RB1: variants seen among roughly 807,000 people sequenced by gnomAD.
RB1 encodes the protein retinoblastoma-associated protein.
In RB1, 18 loss-of-function variants were observed where a neutral mutation model predicts 135.4. The ratio of observed to expected loss-of-function variants is 0.13; its 90% confidence interval spans 0.09 to 0.20. The LOEUF (loss-of-function observed/expected upper bound fraction) is 0.20. Ranked by LOEUF, RB1 falls within the 10% of genes least tolerant of loss-of-function variation. The pLI is 1.00. For missense variants in RB1, 868 were observed against 1,110.0 expected, an observed-to-expected ratio of 0.78 and a Z score of 3.10; for synonymous variants, 365 against 373.2, an observed-to-expected ratio of 0.98 and a Z score of 0.25.
intron 17 of RB1, among the ~76,000 whole-genome samples, chr13:48,406,947 T>G (rs1173004503): frequency 6.6e-6 from 1 of 152,200 alleles, no homozygotes; most frequent in Non-Finnish European, 1.5e-5. Context: ...ATTAATTTGT[T>G]ATGTGACATT....
chr13:48,477,293 G>A (rs2138360492), intron 25 of RB1, 62 bp from the exon 26 acceptor site: 1 of 1,238,730 alleles, frequency 8.1e-7, no homozygotes, highest in South Asian at 1.3e-5. Context: ...CATAGTTACT[G>A]GAAATTTGAG....
At chr13:48,333,909 G>A (rs769453911) in intron 2 of RB1, among the ~76,000 whole-genome samples, 6 of 151,988 alleles carry the variant, frequency 3.9e-5, no homozygotes, top group Admixed American at 6.6e-5. Flanking sequence ...TCATAGTTGA[G>A]ATAGGGACAA....
intron 12 of RB1, among the ~76,000 whole-genome samples, chr13:48,373,828 G>T (rs938294904): frequency 6.6e-6 from 1 of 151,886 alleles, no homozygotes; most frequent in South Asian, 2.1e-4. Context: ...TGAACTTTTT[G>T]AGGTTTTATT....
At chr13:48,395,419 A>C (rs940066570) in intron 17 of RB1, among the ~76,000 whole-genome samples, 1 of 152,144 alleles carries the variant, frequency 6.6e-6, no homozygotes, top group Non-Finnish European at 1.5e-5. Context: ...GGTGGGTAAT[A>C]ACAAACTCCT....
At chr13:48,420,476 C>G (rs1347317432) in intron 17 of RB1, among the ~76,000 whole-genome samples, 2 of 152,150 alleles carry the variant, frequency 1.3e-5, no homozygotes, top group Non-Finnish European at 2.9e-5. Flanking sequence ...AAAACTGGCA[C>G]AAGACAAGGA....
intron 2 of RB1, among the ~76,000 whole-genome samples, chr13:48,311,973 T>C (rs1429463628): frequency 2.0e-5 from 3 of 152,248 alleles, no homozygotes; most frequent in Non-Finnish European, 4.4e-5. Context: ...AGTGCTGGCA[T>C]TACAGGCGTG....
chr13:48,312,023 T>G (rs1952135611), intron 2 of RB1, among the ~76,000 whole-genome samples: 1 of 152,188 alleles, frequency 6.6e-6, no homozygotes, highest in African/African-American at 2.4e-5. Flanking sequence ...TTTTAAAGCT[T>G]TATCCTTGGG....
At chr13:48,344,690 G>T (rs1952476645) in intron 3 of RB1, among the ~76,000 whole-genome samples, 1 of 152,074 alleles carries the variant, frequency 6.6e-6, no homozygotes, top group South Asian at 2.1e-4. Context: ...TGGGTTCCAG[G>T]TTTCCCACTG....
chr13:48,461,192 G>A (rs1949402974), intron 20 of RB1, among the ~76,000 whole-genome samples: 1 of 151,786 alleles, frequency 6.6e-6, no homozygotes, highest in South Asian at 2.1e-4. Flanking sequence ...TCAGCCCAAG[G>A]CAATACTAAT....
intron 14 of RB1, 25 bp downstream of exon 14, chr13:48,379,675 A>T: frequency 1.2e-6 from 2 of 1,602,274 alleles, no homozygotes; most frequent in Non-Finnish European, 1.7e-6. Flanking sequence ...ATATAAAAAA[A>T]TTTCAGCCGG....
At chr13:48,381,530 C>A in intron 17 of RB1, 87 bp downstream of exon 17, 2 of 1,219,270 alleles carry the variant, frequency 1.6e-6, no homozygotes, top group Non-Finnish European at 2.4e-6. Flanking sequence ...TAACATCTAC[C>A]TCAAGAACAT....
Position 48,356,835 on chromosome 13 carries a change from C to T in RB1, c.608-3182C>T, listed in dbSNP as rs9535021. On this transcript the variant is annotated intron_variant, in intron 6 of 26. Transcript: ENST00000267163. ...AAAATATGCTTTTTGGTTCCATGTT[C>T]TTTATGTTTGACATGTTTAGGAATC... Among the ~76,000 whole-genome samples, 15,903 of 151,798 alleles carry T rather than the reference C, an allele frequency of 0.1. 958 individuals carry two copies. The highest frequency in any genetic ancestry group is 0.17 in the Admixed American group (2,523 of 15,196).
intron 17 of RB1, chr13:48,406,628 T>A (rs1948742508): frequency 6.6e-6 from 1 of 152,238 alleles, no homozygotes; most frequent in African/African-American, 2.4e-5. Context: ...TAAGTACGTG[T>A]AAGATGTTAG....
At chr13:48,377,189 T>C (rs1052299092) in intron 13 of RB1, among the ~76,000 whole-genome samples, 155 bp downstream of exon 13, 3 of 152,170 alleles carry the variant, frequency 2.0e-5, no homozygotes, top group Admixed American at 1.3e-4. Flanking sequence ...CTGCTATTTA[T>C]GGGTAACTTT....
chr13:48,368,261 C>T (rs1381648237), intron 10 of RB1, among the ~76,000 whole-genome samples: 1 of 152,088 alleles, frequency 6.6e-6, no homozygotes, highest in Admixed American at 6.6e-5. Flanking sequence ...GAGAAAGCAT[C>T]TGACTTTCAC....
chr13:48,339,975 A>G (rs1013597403), intron 2 of RB1, among the ~76,000 whole-genome samples: 2 of 152,234 alleles, frequency 1.3e-5, no homozygotes, highest in Non-Finnish European at 2.9e-5. Flanking sequence ...ATGGAACAGA[A>G]CAGATAATCC....
At chr13:48,311,798 C>G (rs1008939450) in intron 2 of RB1, among the ~76,000 whole-genome samples, 1 of 152,152 alleles carries the variant, frequency 6.6e-6, no homozygotes, top group Non-Finnish European at 1.5e-5. Flanking sequence ...CTCTGCCTCC[C>G]GGGTCCAAGC....
intron 23 of RB1, among the ~76,000 whole-genome samples, chr13:48,467,166 G>A (rs1409812406): frequency 3.6e-4 from 28 of 77,092 alleles, no homozygotes; most frequent in African/African-American, 1.3e-3. Context: ...GAGAAAGGTC[G>A]GGTTACCCTC....
chr13:48,312,009 T>A (rs1952135390), intron 2 of RB1, among the ~76,000 whole-genome samples: 1 of 152,208 alleles, frequency 6.6e-6, no homozygotes, highest in Non-Finnish European at 1.5e-5. Flanking sequence ...CCTTTATTAG[T>A]GTATTTTAAA....
Sources: gnomAD v4.1 joint callset for allele counts (sites outside exome capture counted in the v4.1 genomes callset) on GRCh38, gnomAD v4.1.1 for gene constraint, MANE v1.5 for transcripts, NCBI Gene and HGNC (gene_info 2026-07-23, HGNC 2026-07-21) for gene names.